The following PALM2AKAP2 variants were observed in gnomAD, a reference collection of about 807,000 sequenced individuals.
The protein encoded by PALM2AKAP2 is PALM2-AKAP2 fusion protein.
A neutral mutation model predicts 71.5 loss-of-function variants in PALM2AKAP2; 37 were observed. The observed-to-expected ratio is 0.52, with a 90% CI of 0.40 to 0.68. PALM2AKAP2 has a LOEUF of 0.68. Among genes scored for constraint, PALM2AKAP2 ranks in the 30% least tolerant of loss-of-function variants. The pLI is 0.00. For missense variants in PALM2AKAP2, 1,224 were observed against 1,191.8 expected, an observed-to-expected ratio of 1.03 and a Z score of -0.40; for synonymous variants, 468 against 478.8, an observed-to-expected ratio of 0.98 and a Z score of 0.29.
At chr9:109,780,323 C>T (rs974718733), upstream of PALM2AKAP2, 6 of 1,405,404 alleles carry the variant, frequency 4.3e-6, no homozygotes, top group African/African-American at 8.7e-5. Flanking sequence ...GGCGAGCCCG[C>T]CGTGCGCACA....
At chr9:110,123,055 T>C (rs1466602231) in intron 1 of PALM2AKAP2, among the ~76,000 whole-genome samples, 1 of 152,230 alleles carries the variant, frequency 6.6e-6, no homozygotes, top group Non-Finnish European at 1.5e-5. Flanking sequence ...GACTTTGCCA[T>C]AGAGTATTTA....
At chr9:109,858,530 G>A (rs541358570) in intron 1 of PALM2AKAP2, among the ~76,000 whole-genome samples, 2 of 152,252 alleles carry the variant, frequency 1.3e-5, no homozygotes, top group East Asian at 3.9e-4. Flanking sequence ...AGTCACTCAG[G>A]GAGTTCGTGG....
chr9:109,796,835 A>G (rs1827269894), intron 1 of PALM2AKAP2, among the ~76,000 whole-genome samples: 1 of 152,186 alleles, frequency 6.6e-6, no homozygotes, highest in Non-Finnish European at 1.5e-5. Flanking sequence ...CCCCTGACAC[A>G]TGGGGATTAT....
chr9:109,769,522 G>T (rs537250432), intron 1 of PALM2AKAP2, among the ~76,000 whole-genome samples: 19 of 152,282 alleles, frequency 1.2e-4, no homozygotes, highest in African/African-American at 3.1e-4. Context: ...TTCCTTGGAA[G>T]CCACAGAGTC....
Position 110,054,226 on chromosome 9 carries a change from C to T in PALM2AKAP2, c.156+5371C>T, listed in dbSNP as rs113971354. Among the ~76,000 whole-genome samples, 975 of 152,250 alleles carry T rather than the reference C, an allele frequency of 6.4e-3. 11 individuals carry two copies. Among genetic ancestry groups the T allele is most frequent in the South Asian group, 0.046 (223 of 4,822 alleles). ...ACCAACCTGACCAACATGGAGAAAC[C>T]CGGTCTCTACTAAAAATATAAAATT... On this transcript the variant is annotated intron_variant, in intron 1 of 3. Coordinates refer to ENST00000374525, the Ensembl canonical transcript of PALM2AKAP2.
intron 1 of PALM2AKAP2, among the ~76,000 whole-genome samples, chr9:109,682,026 A>T (rs1417186371): frequency 6.6e-6 from 1 of 152,210 alleles, no homozygotes; most frequent in Non-Finnish European, 1.5e-5. Context: ...GTTAAGCATC[A>T]TAGTAGTGGT....
intron 3 of PALM2AKAP2, among the ~76,000 whole-genome samples, chr9:110,157,521 C>T (rs540748993): frequency 6.6e-6 from 1 of 152,274 alleles, no homozygotes; most frequent in African/African-American, 2.4e-5. Flanking sequence ...GCCTCAGCCT[C>T]CTGAATAGCT....
intron 1 of PALM2AKAP2, among the ~76,000 whole-genome samples, chr9:109,811,525 A>G (rs374721781): frequency 2.0e-5 from 3 of 152,184 alleles, no homozygotes; most frequent in East Asian, 1.9e-4. Context: ...TAAATATCCT[A>G]TATAATAGTA....
At position 110,136,563 on chromosome 9, in the gene PALM2AKAP2, G is replaced by A. The variant is rs7039409; in HGVS notation, c.593G>A (p.Arg198Gln). The A allele has an allele frequency of 3.8e-3, 6,064 of 1,613,366 alleles. 170 individuals are homozygous for A. In the African/African-American group the frequency reaches 0.066, roughly 18 times the overall value. The change falls in exon 2 of 4, where the codon CGG (arginine) becomes CAG (glutamine). Residue 198 changes from arginine (R) to glutamine (Q), a missense_variant. Coordinates refer to ENST00000374525, the Ensembl canonical transcript of PALM2AKAP2. ...GAACCCACTGAAAGAACAGCTAGCC[G>A]GCAGGCACCTCCTCACATCGAGCTC... is the stretch of plus-strand genomic sequence containing the variant.
chr9:110,124,578 G>C (rs930603641), intron 1 of PALM2AKAP2, among the ~76,000 whole-genome samples: 1 of 152,160 alleles, frequency 6.6e-6, no homozygotes, highest in African/African-American at 2.4e-5. Context: ...TATCAGGCAG[G>C]GGGCACTGAT....
At chr9:109,737,658 G>T (rs961748402) in intron 1 of PALM2AKAP2, among the ~76,000 whole-genome samples, 3 of 152,218 alleles carry the variant, frequency 2.0e-5, no homozygotes, top group African/African-American at 7.2e-5. Context: ...TGACCTCATA[G>T]TAACAGTAAT....
intron 1 of PALM2AKAP2, among the ~76,000 whole-genome samples, chr9:109,865,868 C>T (rs753628225): frequency 4.6e-5 from 7 of 152,224 alleles, no homozygotes; most frequent in African/African-American, 7.2e-5. Context: ...CTAGCTTTAT[C>T]ATGTGCCATC....
chr9:109,912,981 C>G (rs1000947864), intron 3 of PALM2AKAP2, among the ~76,000 whole-genome samples: 2 of 152,188 alleles, frequency 1.3e-5, no homozygotes, highest in African/African-American at 2.4e-5. Context: ...TACTCCTTGG[C>G]CAGGGATGTG....
At chr9:109,973,186 A>G (rs929306978) in intron 6 of PALM2AKAP2, among the ~76,000 whole-genome samples, 1 of 152,242 alleles carries the variant, frequency 6.6e-6, no homozygotes, top group East Asian at 1.9e-4. Context: ...GTCATACCCA[A>G]AAGAATCAAA....
exon 3 of PALM2AKAP2, chr9:110,156,362 A>T (rs1381653062): frequency 6.2e-7 from 1 of 1,609,314 alleles, no homozygotes; most frequent in Non-Finnish European, 8.5e-7. Context: ...CCACCACTGA[A>T]GGCCCCAGCT....
In PALM2AKAP2 at chr9:109,929,863, CAAAAAAAA is replaced by C. The variant is rs58029417; in HGVS notation, c.395-2047_395-2040del. On this transcript the variant is annotated intron_variant, in intron 5 of 9. Coordinates refer to the PALM2AKAP2 transcript ENST00000302798. ...TGGGTGACAGAGTGAGACTCCATTTCAAAAAAAAAAAAAAAAAAAAAAAAGAGAGAGAA... is the reference window on the plus strand; with the variant it reads ...TGGGTGACAGAGTGAGACTCCATTTCAAAAAAAAAAAAAAAAGAGAGAGAA... Among the ~76,000 whole-genome samples the C allele has an allele frequency of 7.6e-3, 526 of 69,430 alleles. 3 individuals are homozygous for C. Among genetic ancestry groups the C allele is most frequent in the African/African-American group, 0.026 (470 of 17,978 alleles). 45.5% of individuals were successfully genotyped at this position (69,430 alleles called of 152,430 possible). A position where few individuals can be genotyped will look rare whatever the true frequency, so the allele number is the denominator to read the frequency against.
At position 110,022,665 on chromosome 9, in the gene PALM2AKAP2, T is replaced by C. The variant is rs569147345; in HGVS notation, c.582+6626T>C. 6.6e-5 allele frequency among the ~76,000 whole-genome samples: 10 copies of C among 152,272 alleles called. No homozygotes were observed. In the South Asian group the frequency reaches 1.7e-3, roughly 25 times the overall value. On this transcript the variant is annotated intron_variant, in intron 7 of 9. Coordinates refer to the PALM2AKAP2 transcript ENST00000302798. The stretch of plus-strand genomic sequence containing the variant: ...CTTATGTATACATGTGCCATGTTTG[T>C]GTGCTGCACACATTAACTTGTCATT...
chr9:110,143,799 A>G (rs1836094890), intron 2 of PALM2AKAP2, among the ~76,000 whole-genome samples: 1 of 152,204 alleles, frequency 6.6e-6, no homozygotes, highest in African/African-American at 2.4e-5. Flanking sequence ...CATTATGGAG[A>G]GTGGCAAAAG....
chr9:109,845,326 G>A (rs934049167), intron 1 of PALM2AKAP2, among the ~76,000 whole-genome samples: 2 of 152,226 alleles, frequency 1.3e-5, no homozygotes, highest in African/African-American at 2.4e-5. Context: ...ACATTTCACA[G>A]TTTAAGAGAG....
Sources: gnomAD v4.1 joint callset for allele counts (sites outside exome capture counted in the v4.1 genomes callset) on GRCh38, gnomAD v4.1.1 for gene constraint, MANE v1.5 for transcripts, NCBI Gene and HGNC (gene_info 2026-07-23, HGNC 2026-07-21) for gene names.